Variants in CPS1 observed in about 807,000 individuals in gnomAD.
CPS1 encodes carbamoyl-phosphate synthase 1.
In CPS1, 109 loss-of-function variants were observed where a neutral mutation model predicts 174.6. The ratio of observed to expected loss-of-function variants is 0.62; its 90% CI spans 0.53 to 0.73. The LOEUF (loss-of-function observed/expected upper bound fraction) is 0.73, where lower values mean the gene tolerates loss of function less well. Among genes scored for constraint, CPS1 ranks in the 30% least tolerant of loss-of-function variants. The pLI, the probability that CPS1 is intolerant of heterozygous loss-of-function variation, is 0.00. For synonymous variants in CPS1, 637 were observed against 632.0 expected, an observed-to-expected ratio of 1.01 and a Z score of -0.12; for missense variants, 1,689 against 1,821.9, an observed-to-expected ratio of 0.93 and a Z score of 1.33.
intron 20 of CPS1, 109 bp from the exon 21 acceptor site, chr2:210,616,314 C>T (rs1043321285): frequency 1.2e-5 from 9 of 780,362 alleles, no homozygotes; most frequent in Non-Finnish European, 1.8e-5. Flanking sequence ...AGTCTACAGT[C>T]TCGGGCTCTC....
chr2:210,519,097 A>T (rs1195873686), intron 1 of CPS1, among the ~76,000 whole-genome samples: 1 of 152,054 alleles, frequency 6.6e-6, no homozygotes, highest in African/African-American at 2.4e-5. Flanking sequence ...GTAGAAAATT[A>T]GATGTGTTTA....
In CPS1 at chr2:210,599,667, T is replaced by C. The variant is rs1698639226; in HGVS notation, c.1549+106T>C. ...TTGTGCTTTGTGTGTTCATAAAACC[T>C]TTCCTCTACTGTGTGAGAAAGCAGT... On this transcript the variant is annotated intron_variant, in intron 14 of 37. Transcript: ENST00000233072. 3 of 1,232,160 alleles carry C rather than the reference T, an allele frequency of 2.4e-6. No homozygotes were observed. In the African/African-American group the frequency reaches 4.5e-5, roughly 18 times the overall value. The allele number at this position is 1,232,160 out of a possible 1,614,324, so 76.3% of individuals were successfully genotyped here.
chr2:210,484,678 T>C (rs1440714547), intron 1 of CPS1, among the ~76,000 whole-genome samples: 1 of 152,192 alleles, frequency 6.6e-6, no homozygotes, highest in Non-Finnish European at 1.5e-5. Context: ...ACTGACTACC[T>C]GCTTTCTGTT....
In CPS1 at chr2:210,576,703, G is replaced by A. The variant is rs200102190; in HGVS notation, c.381+213G>A. ...CTCAGGGCACTTTGAATTTTAATGC[G>A]TTGGATGAAACTTGGCTTAACTTGA... On this transcript the variant is annotated intron_variant, in intron 3 of 37. Coordinates refer to ENST00000233072, the MANE Select transcript of CPS1 (RefSeq NM_001875.5). 1.6e-4 allele frequency among the ~76,000 whole-genome samples: 24 copies of A among 152,102 alleles called. No homozygotes were observed. In the East Asian group the frequency reaches 3.3e-3, roughly 21 times the overall value.
At chr2:210,672,614 G>A (rs1277083848) in intron 34 of CPS1, 1 of 152,142 alleles carries the variant, frequency 6.6e-6, no homozygotes, top group Non-Finnish European at 1.5e-5. Context: ...CAATTGTCCT[G>A]ATGTCACTAA....
chr2:210,604,786 G>A (rs1220431589), intron 16 of CPS1, among the ~76,000 whole-genome samples: 1 of 151,888 alleles, frequency 6.6e-6, no homozygotes, highest in Non-Finnish European at 1.5e-5. Flanking sequence ...AAGCCTAGCT[G>A]CTGAAATAAT....
At position 210,648,518 on chromosome 2, in the gene CPS1, T is replaced by C. The variant is rs1408456643; in HGVS notation, c.3382T>C (p.Leu1128=). 6 of 1,613,676 alleles carry C rather than the reference T, an allele frequency of 3.7e-6. No individual in the cohort carries two copies. Among genetic ancestry groups the C allele is most frequent in the East Asian group, 2.2e-5 (1 of 44,856 alleles). Residue 1128 remains leucine (L), a synonymous_variant, in exon 27 of 38, where the codon TTG becomes CTG. Transcript: ENST00000233072. ...FAKSVDYPCL[L]RPSYVLSGSA... Reference sequence around the variant, plus strand: ...AAAGTCTGTGGACTACCCCTGCTTGTTGAGGCCTTCCTATGTTTTGAGGTA... The same window carrying C: ...AAAGTCTGTGGACTACCCCTGCTTGCTGAGGCCTTCCTATGTTTTGAGGTA...
At position 210,637,709 on chromosome 2, in the gene CPS1, A is replaced by G. The variant is rs369212134; in HGVS notation, c.2695A>G (p.Met899Val). ...TTTTCTATTAAATCCTAGTGAGTCC[A>G]TGACAGAAGAAACCCTGAAAAGGGC... ...KTLKGLNSES[M>V]TEETLKRAKE... is the part of the protein sequence containing the mutation. The change falls in exon 22 of 38, where the codon ATG (methionine) becomes GTG (valine). Residue 899 changes from methionine (M) to valine (V), a missense_variant. Transcript: ENST00000233072. The G allele has an allele frequency of 1.1e-5, 17 of 1,613,892 alleles. No individual in the cohort carries two copies. The highest frequency in any genetic ancestry group is 1.4e-5 in the Non-Finnish European group (16 of 1,179,912).
intron 1 of CPS1, among the ~76,000 whole-genome samples, chr2:210,564,672 G>A (rs985437248): frequency 1.4e-5 from 2 of 141,450 alleles, no homozygotes; most frequent in South Asian, 2.6e-4. Context: ...CACCGCGCCC[G>A]GCCTAGAATG....
chr2:210,592,510 T>C (rs958838268), intron 10 of CPS1, among the ~76,000 whole-genome samples: 1 of 151,964 alleles, frequency 6.6e-6, no homozygotes, highest in African/African-American at 2.4e-5. Flanking sequence ...GGTGTAGTGT[T>C]TGAGAAGACC....
At position 210,627,410 on chromosome 2, in the gene CPS1, T is replaced by A. The variant is rs1011180644; in HGVS notation, c.2688-10292T>A. 2.8e-4 allele frequency among the ~76,000 whole-genome samples: 43 copies of A among 152,046 alleles called. 1 individual carries two copies. The highest frequency in any genetic ancestry group is 2.8e-3 in the Admixed American group (42 of 15,246). On this transcript the variant is annotated intron_variant, in intron 21 of 37. Transcript: ENST00000233072. ...CCTTCCATGTTTAGGGAGGTGTGAG[T>A]AAAACAACTCTTGAGCGTAGAATGG...
intron 32 of CPS1, among the ~76,000 whole-genome samples, chr2:210,661,740 C>T (rs969796860): frequency 9.2e-5 from 14 of 151,800 alleles, no homozygotes; most frequent in Non-Finnish European, 1.3e-4. Context: ...TTTTTTGAGA[C>T]CAACGATTAG....
chr2:210,572,151 G>A (rs1697521559), intron 1 of CPS1, among the ~76,000 whole-genome samples: 1 of 151,766 alleles, frequency 6.6e-6, no homozygotes, highest in Non-Finnish European at 1.5e-5. Flanking sequence ...TGATTACTTT[G>A]AAGGAAATCT....
intron 1 of CPS1, among the ~76,000 whole-genome samples, chr2:210,504,842 G>T (rs1179220511): frequency 6.6e-6 from 1 of 152,172 alleles, no homozygotes; most frequent in Admixed American, 6.5e-5. Context: ...TTCCTTCTCA[G>T]TTGTGACTGG....
chr2:210,614,882 C>A (rs948335533), intron 20 of CPS1, among the ~76,000 whole-genome samples: 1 of 132,476 alleles, frequency 7.5e-6, no homozygotes, highest in African/African-American at 2.9e-5. Context: ...CGGGGCCTGT[C>A]GGGGGGTGGG....
chr2:210,573,548 G>A (rs1027090022), intron 2 of CPS1, 141 bp downstream of exon 2: 10 of 688,994 alleles, frequency 1.5e-5, no homozygotes, highest in Non-Finnish European at 2.1e-5. Flanking sequence ...CTTGTGCATA[G>A]CCTACTGCTG....
intron 18 of CPS1, among the ~76,000 whole-genome samples, chr2:210,607,426 A>C (rs894076517): frequency 3.3e-5 from 5 of 151,984 alleles, no homozygotes; most frequent in Non-Finnish European, 5.9e-5. Flanking sequence ...GTTACAACCA[A>C]ACAAATACAT....
At chr2:210,559,988 A>G (rs1378336333) in intron 1 of CPS1, among the ~76,000 whole-genome samples, 1 of 152,136 alleles carries the variant, frequency 6.6e-6, no homozygotes, top group Non-Finnish European at 1.5e-5. Flanking sequence ...TAGATCAAAG[A>G]GTCCTTATGT....
In CPS1 at chr2:210,606,728, T is replaced by C. The variant is rs1488429835; in HGVS notation, c.1982-3T>C. The C allele has an allele frequency of 1.2e-6, 2 of 1,612,228 alleles. No individual in the cohort carries two copies. The highest frequency in any genetic ancestry group is 3.3e-5 in the Admixed American group (2 of 59,820). On this transcript the variant is annotated splice_region_variant and splice_polypyrimidine_tract_variant and intron_variant, in intron 17 of 37. Transcript: ENST00000233072. ...AAGTAATGAGTGCTTCTTGGATATA[T>C]AGGTGACTCAGTTGTTGTGGCTCCT...
Sources: allele counts gnomAD v4.1 joint callset (sites outside exome capture counted in the v4.1 genomes callset), GRCh38; gene constraint gnomAD v4.1.1; transcripts MANE v1.5; gene names NCBI Gene and HGNC (gene_info 2026-07-23, HGNC 2026-07-21).